Variants in RHAG observed in about 807,000 individuals in gnomAD.
RHAG encodes the protein Rh associated glycoprotein.
A neutral mutation model predicts 42.4 loss-of-function variants in RHAG; 25 were observed. The observed-to-expected ratio is 0.59, with a 90% CI of 0.43 to 0.82. The LOEUF is 0.82. Ranked by LOEUF, RHAG falls within the 40% of genes least tolerant of loss-of-function variation. The pLI is 0.00. For synonymous variants in RHAG, 182 were observed against 177.7 expected, an observed-to-expected ratio of 1.02 and a Z score of -0.19; for missense variants, 483 against 504.6, an observed-to-expected ratio of 0.96 and a Z score of 0.41.
intron 1 of RHAG, among the ~76,000 whole-genome samples, chr6:49,621,985 C>CT (rs533850712): frequency 0.017 from 2,447 of 140,006 alleles, 28 homozygotes; most frequent in South Asian, 0.033. Context: ...TCCTAACATT[C>CT]TTTTTTTTTT....
At chr6:49,615,565 T>G in intron 4 of RHAG, 59 bp downstream of exon 4, 1 of 1,593,596 alleles carries the variant, frequency 6.3e-7, no homozygotes, top group Non-Finnish European at 8.6e-7. Context: ...TTGTTGAAGT[T>G]AACCTTCTCT....
chr6:49,629,817 C>T (rs1188124530), intron 1 of RHAG, among the ~76,000 whole-genome samples: 1 of 151,802 alleles, frequency 6.6e-6, no homozygotes, highest in Non-Finnish European at 1.5e-5. Flanking sequence ...TGCCCGGGGC[C>T]GGCAGGGCCA....
chr6:49,613,135 T>A (rs1229565855), intron 5 of RHAG, among the ~76,000 whole-genome samples: 2 of 151,392 alleles, frequency 1.3e-5, no homozygotes, highest in African/African-American at 4.9e-5. Flanking sequence ...AGCAGCGCGA[T>A]CTTGGCTCAC....
intron 5 of RHAG, among the ~76,000 whole-genome samples, chr6:49,614,465 G>T (rs1188950886): frequency 6.6e-6 from 1 of 151,902 alleles, no homozygotes; most frequent in Non-Finnish European, 1.5e-5. Flanking sequence ...GCCTCCCAAA[G>T]TGCTGGGATT....
intron 1 of RHAG, among the ~76,000 whole-genome samples, chr6:49,633,507 C>T (rs1762963969): frequency 6.6e-6 from 1 of 152,074 alleles, no homozygotes; most frequent in Admixed American, 6.5e-5. Flanking sequence ...ATTCTACAAA[C>T]AATTTTAAGC....
In RHAG at chr6:49,619,379, G is replaced by T; in HGVS notation, c.158-17C>A. The T allele has an allele frequency of 1.2e-6, 2 of 1,608,876 alleles. No individual in the cohort carries two copies. Among genetic ancestry groups the T allele is most frequent in the Non-Finnish European group, 8.5e-7 (1 of 1,176,672 alleles). On this transcript the variant is annotated splice_polypyrimidine_tract_variant and intron_variant, in intron 1 of 9. Transcript: ENST00000371175. Reference sequence around the variant, plus strand: ...CTTGGAACACTGGAAAAGAGGAAAGGAAAAAATATCTGCATTATGAGAGCA... The same window carrying T: ...CTTGGAACACTGGAAAAGAGGAAAGTAAAAAATATCTGCATTATGAGAGCA...
At position 49,605,534 on chromosome 6, in the gene RHAG, C is replaced by A; in HGVS notation, c.*279G>T. 4.0e-6 allele frequency: 2 copies of A among 504,744 alleles called. No individual in the cohort carries two copies. The highest frequency in any genetic ancestry group is 7.2e-6 in the Non-Finnish European group (2 of 277,774). 31.3% of individuals were successfully genotyped at this position (504,744 alleles called of 1,614,324 possible). ...TCACTGCCAAAAGCTTTTTGGGAAT[C>A]CTGGAGAAGATCTATTTGATTATCT... On this transcript the variant is annotated 3_prime_UTR_variant, in exon 10 of 10. Transcript: ENST00000371175.
At chr6:49,611,256 T>TA in intron 6 of RHAG, 111 bp from the exon 7 acceptor site, 1 of 830,204 alleles carries the variant, frequency 1.2e-6, no homozygotes, top group Non-Finnish European at 1.9e-6. Context: ...AAGTATTTTA[T>TA]AAATAATTTT....
intron 1 of RHAG, among the ~76,000 whole-genome samples, chr6:49,623,469 T>C (rs1169546796): frequency 1.3e-5 from 2 of 152,156 alleles, no homozygotes; most frequent in Non-Finnish European, 2.9e-5. Flanking sequence ...GAATACAGTG[T>C]CCATTTTATA....
rs57969448 is a variant in RHAG at position 49,628,135 on chromosome 6, G to GAC, written c.157+8519_157+8520dup. Reference sequence around the variant, plus strand: ...CACACCCAACACTTTGTGTGTGTGAGACACACACACACACACACACACACA... The same window carrying GAC: ...CACACCCAACACTTTGTGTGTGTGAGACACACACACACACACACACACACACA... On this transcript the variant is annotated intron_variant, in intron 1 of 9. Coordinates refer to ENST00000371175, the MANE Select transcript of RHAG (RefSeq NM_000324.3). 6.9e-3 allele frequency among the ~76,000 whole-genome samples: 944 copies of GAC among 135,928 alleles called. 9 individuals are homozygous for GAC. The highest frequency in any genetic ancestry group is 0.03 in the East Asian group (121 of 4,056). 89.2% of individuals were successfully genotyped at this position (135,928 alleles called of 152,430 possible).
At chr6:49,614,497 C>T (rs1310541861) in intron 5 of RHAG, among the ~76,000 whole-genome samples, 190 bp downstream of exon 5, 5 of 152,114 alleles carry the variant, frequency 3.3e-5, no homozygotes, top group Admixed American at 6.6e-5. Context: ...CCACTGCGCC[C>T]AGCCCAGGGT....
chr6:49,616,660 T>C (rs899338168), intron 3 of RHAG, among the ~76,000 whole-genome samples: 1 of 152,194 alleles, frequency 6.6e-6, no homozygotes, highest in African/African-American at 2.4e-5. Flanking sequence ...GACAGTAAGA[T>C]GACACACATC....
In RHAG at chr6:49,611,668, T is replaced by C. The variant is rs1762569723; in HGVS notation, c.946-523A>G. 3.3e-5 allele frequency among the ~76,000 whole-genome samples: 5 copies of C among 152,128 alleles called. No homozygotes were observed. In the South Asian group the frequency reaches 1.0e-3, roughly 32 times the overall value. On this transcript the variant is annotated intron_variant, in intron 6 of 9. Coordinates refer to ENST00000371175, the MANE Select transcript of RHAG (RefSeq NM_000324.3). The stretch of plus-strand genomic sequence containing the variant: ...TGGCAAAACTGCCCATTTCAGTCTT[T>C]AGTGGATGGGTTTGAAAGGAATCAT...
chr6:49,632,014 G>A (rs977301760), intron 1 of RHAG: 1 of 151,998 alleles, frequency 6.6e-6, no homozygotes, highest in Non-Finnish European at 1.5e-5. Flanking sequence ...ATCTTCAGTG[G>A]TTCCCAAACT....
chr6:49,621,505 T>C (rs1353737429), intron 1 of RHAG, among the ~76,000 whole-genome samples: 4 of 152,172 alleles, frequency 2.6e-5, no homozygotes, highest in Non-Finnish European at 4.4e-5. Flanking sequence ...CCTTAAGGTG[T>C]TGATTCCCAT....
At chr6:49,621,505 T>G (rs1353737429) in intron 1 of RHAG, among the ~76,000 whole-genome samples, 1 of 152,172 alleles carries the variant, frequency 6.6e-6, no homozygotes, top group African/African-American at 2.4e-5. Context: ...CCTTAAGGTG[T>G]TGATTCCCAT....
chr6:49,614,359 A>ATTTT (rs531446812), intron 5 of RHAG, among the ~76,000 whole-genome samples: 26 of 141,320 alleles, frequency 1.8e-4, no homozygotes, highest in African/African-American at 6.7e-4. Context: ...CGCCTGGCTA[A>ATTTT]TTTTTTTTTT....
At position 49,612,436 on chromosome 6, in the gene RHAG, A is replaced by G. The variant is rs752234997; in HGVS notation, c.906T>C (p.Ile302=). Residue 302 remains isoleucine, a synonymous_variant, in exon 6 of 10, where the codon ATT becomes ATC. Coordinates refer to ENST00000371175, the MANE Select transcript of RHAG (RefSeq NM_000324.3). ...HPFGSMIIGS[I]AGMVSVLGYK... is the part of the protein sequence containing the mutation. ...ATCCAAGCACAGAGACCATTCCTGC[A>G]ATGCTCCCAATAATCATAGAACCAA... is the stretch of plus-strand genomic sequence containing the variant. 6 of 1,614,196 alleles carry G rather than the reference A, an allele frequency of 3.7e-6. No individual in the cohort carries two copies. The highest frequency in any genetic ancestry group is 5.1e-6 in the Non-Finnish European group (6 of 1,180,008).
intron 7 of RHAG, among the ~76,000 whole-genome samples, chr6:49,609,165 A>G (rs1762525817): frequency 1.3e-5 from 2 of 152,298 alleles, no homozygotes; most frequent in Non-Finnish European, 2.9e-5. Context: ...GCAGTATTTT[A>G]TTTGGTGTGA....
Sources: gnomAD v4.1 joint callset for allele counts (sites outside exome capture counted in the v4.1 genomes callset) on GRCh38, gnomAD v4.1.1 for gene constraint, MANE v1.5 for transcripts, NCBI Gene and HGNC (gene_info 2026-07-23, HGNC 2026-07-21) for gene names.